ANKRD6: variants seen among roughly 807,000 people sequenced by gnomAD.
ANKRD6 encodes ankyrin repeat domain-containing protein 6.
Under a neutral mutation model 82.3 loss-of-function variants are expected in ANKRD6, and 56 were observed. The observed-to-expected ratio is 0.68, with a 90% CI of 0.55 to 0.85. The LOEUF is 0.85. Ranked by LOEUF, ANKRD6 falls within the 40% of genes least tolerant of loss-of-function variation. The pLI, the probability that ANKRD6 is intolerant of heterozygous loss-of-function variation, is 0.00. For missense variants in ANKRD6, 852 were observed against 907.6 expected (o/e 0.94, Z 0.79); for synonymous variants, 347 against 352.1 (o/e 0.99, Z 0.16).
chr6:89,613,979 G>GCTTCCCAGCAGCCT, intron 7 of ANKRD6, 89 bp downstream of exon 7: 2 of 1,325,104 alleles, frequency 1.5e-6, no homozygotes, highest in Non-Finnish European at 2.1e-6. Context: ...AGCAGAGGCT[G>GCTTCCCAGCAGCCT]CTGGGAAGCT....
intron 9 of ANKRD6, among the ~76,000 whole-genome samples, chr6:89,620,688 C>G (rs368768004): frequency 2.6e-5 from 4 of 152,332 alleles, no homozygotes; most frequent in African/African-American, 9.6e-5. Flanking sequence ...CTGACAGTGA[C>G]TGACAGTCCA....
chr6:89,466,317 C>T (rs1202558628), intron 1 of ANKRD6, among the ~76,000 whole-genome samples: 1 of 152,154 alleles, frequency 6.6e-6, no homozygotes, highest in Admixed American at 6.5e-5. Flanking sequence ...ATTAATTTCA[C>T]ACTTGAGGTT....
Position 89,612,492 on chromosome 6 carries a change from A to G in ANKRD6, c.516+122A>G, listed in dbSNP as rs937303428. 16 of 1,017,360 alleles carry G rather than the reference A, an allele frequency of 1.6e-5. No homozygotes were observed. The East Asian group carries it at 1.9e-4, about 12-fold the overall frequency. The allele number at this position is 1,017,360 out of a possible 1,614,324, so 63.0% of individuals were successfully genotyped here. A position where few individuals can be genotyped will look rare whatever the true frequency, so the allele number is the denominator to read the frequency against. ...AAAATGTAAAAAGTATTTGGGGACT[A>G]TCTCTAAAGTGTTCTTTTTTTGGCA... On this transcript the variant is annotated intron_variant, in intron 6 of 15. Transcript: ENST00000339746.
rs771915138 is a variant in ANKRD6 at position 89,595,927 on chromosome 6, T to A, written c.132T>A (p.Thr44=). 1 of 1,608,568 alleles carries A rather than the reference T, an allele frequency of 6.2e-7. No individual in the cohort carries two copies. Among genetic ancestry groups the A allele is most frequent in the East Asian group, 2.2e-5 (1 of 44,778 alleles). Reference sequence around the variant, plus strand: ...TTTTGCATTCACAGCATGGCCGGACTCCCCTGCATCTTGCTGCCAATAAGG... The same window carrying A: ...TTTTGCATTCACAGCATGGCCGGACACCCCTGCATCTTGCTGCCAATAAGG... ...ARVAVTKHGR[T]PLHLAANKGH... Residue 44 remains threonine (T), a synonymous_variant, in exon 3 of 16, where the codon ACT becomes ACA. Coordinates refer to ENST00000339746, the MANE Select transcript of ANKRD6 (RefSeq NM_001242809.2).
At chr6:89,527,880 G>A (rs2127984428) in intron 1 of ANKRD6, among the ~76,000 whole-genome samples, 1 of 152,246 alleles carries the variant, frequency 6.6e-6, no homozygotes, top group African/African-American at 2.4e-5. Context: ...CGCAATCACA[G>A]CTCACTGTAA....
At chr6:89,508,295 C>T (rs942166105) in intron 1 of ANKRD6, among the ~76,000 whole-genome samples, 6 of 152,162 alleles carry the variant, frequency 3.9e-5, no homozygotes, top group African/African-American at 1.2e-4. Context: ...CCTGGACAAT[C>T]TGCCTCCAGG....
intron 1 of ANKRD6, among the ~76,000 whole-genome samples, chr6:89,447,731 C>T (rs978133594): frequency 2.6e-5 from 4 of 152,106 alleles, no homozygotes; most frequent in Non-Finnish European, 4.4e-5. Context: ...TCTTGTTGCC[C>T]AGGCTGGAGA....
rs1464504505 is a variant in ANKRD6, at chr6:89,632,467, GGAGTGC to G, written c.*1464_*1469del. 1.3e-5 allele frequency: 2 copies of G among 152,128 alleles called. No homozygotes were observed. Among genetic ancestry groups the G allele is most frequent in the East Asian group, 3.9e-4 (2 of 5,192 alleles). 9.4% of individuals were successfully genotyped at this position (152,128 alleles called of 1,614,324 possible). A position where few individuals can be genotyped will look rare whatever the true frequency, so the allele number is the denominator to read the frequency against. ...AGGGTCTTGCTCTGTCACCCAGACTGGAGTGCAGTGGCATGATCACACCTCACTGCA... is the reference window on the plus strand; with the variant it reads ...AGGGTCTTGCTCTGTCACCCAGACTGAGTGGCATGATCACACCTCACTGCA... On this transcript the variant is annotated 3_prime_UTR_variant, in exon 16 of 16. Coordinates refer to ENST00000339746, the MANE Select transcript of ANKRD6 (RefSeq NM_001242809.2).
intron 1 of ANKRD6, among the ~76,000 whole-genome samples, chr6:89,507,016 C>G (rs1779958148): frequency 6.6e-6 from 1 of 152,198 alleles, no homozygotes; most frequent in Admixed American, 6.5e-5. Context: ...AACACTGAAT[C>G]CAACTGTCAA....
chr6:89,544,374 C>G (rs1260829395), intron 1 of ANKRD6, among the ~76,000 whole-genome samples: 1 of 152,226 alleles, frequency 6.6e-6, no homozygotes, highest in African/African-American at 2.4e-5. Flanking sequence ...GCCTGACATT[C>G]ACCTCATCAC....
chr6:89,476,586 T>C (rs561080800), intron 1 of ANKRD6, among the ~76,000 whole-genome samples: 2 of 152,366 alleles, frequency 1.3e-5, no homozygotes, highest in Admixed American at 6.5e-5. Flanking sequence ...TTTGTTATTA[T>C]ACCATACTTT....
intron 1 of ANKRD6, among the ~76,000 whole-genome samples, chr6:89,455,958 C>G (rs986207986): frequency 6.6e-6 from 1 of 152,092 alleles, no homozygotes. Flanking sequence ...ACTGCAACCT[C>G]CACCTCCCAG....
chr6:89,631,246 C>G lies in ANKRD6; in HGVS notation c.*242C>G. On this transcript the variant is annotated 3_prime_UTR_variant, in exon 16 of 16. Transcript: ENST00000339746. ...TTGGGTTTCATTATAAACTCTTAGC[C>G]TCAGTCCAGGTTAATCTGAAGTTTG... The G allele has an allele frequency of 1.7e-6, 1 of 573,096 alleles. No individual in the cohort carries two copies. The highest frequency in any genetic ancestry group is 4.0e-5 in the East Asian group (1 of 24,972). The allele number at this position is 573,096 out of a possible 1,614,324, so 35.5% of individuals were successfully genotyped here.
At position 89,590,103 on chromosome 6, in the gene ANKRD6, T is replaced by C. The variant is rs563718320; in HGVS notation, c.121-5813T>C. 1.8e-3 allele frequency among the ~76,000 whole-genome samples: 269 copies of C among 152,352 alleles called. 4 individuals carry two copies. The South Asian group carries it at 0.039, about 22-fold the overall frequency. On this transcript the variant is annotated intron_variant, in intron 2 of 15. Transcript: ENST00000339746. ...TATTGGGTTGTGGAATTATAGAGGA[T>C]ATTCTTTTCCATATTTTTAGTAATG...
chr6:89,468,257 C>T (rs919555672), intron 1 of ANKRD6, among the ~76,000 whole-genome samples: 3 of 152,090 alleles, frequency 2.0e-5, no homozygotes, highest in Non-Finnish European at 4.4e-5. Context: ...GATTTTTTCA[C>T]TTGACATTTA....
chr6:89,512,212 T>G (rs1194885520), intron 1 of ANKRD6, among the ~76,000 whole-genome samples: 2 of 152,204 alleles, frequency 1.3e-5, no homozygotes. Context: ...ATAGATGGTA[T>G]AGAAAAGTAA....
chr6:89,461,878 T>A (rs1465639752), intron 1 of ANKRD6, among the ~76,000 whole-genome samples: 2 of 152,146 alleles, frequency 1.3e-5, no homozygotes, highest in Non-Finnish European at 2.9e-5. Context: ...AAAATATAAC[T>A]ATTATATTTA....
At chr6:89,510,923 A>G (rs887242270) in intron 1 of ANKRD6, among the ~76,000 whole-genome samples, 1 of 152,126 alleles carries the variant, frequency 6.6e-6, no homozygotes, top group African/African-American at 2.4e-5. Context: ...GGAGAGCCGG[A>G]TGGTGATGGC....
chr6:89,578,542 C>A (rs974313083), intron 2 of ANKRD6, among the ~76,000 whole-genome samples: 1 of 152,102 alleles, frequency 6.6e-6, no homozygotes, highest in Non-Finnish European at 1.5e-5. Context: ...GTGATCTGCC[C>A]GCCTTGGCCT....
Sources: gnomAD v4.1 joint callset for allele counts (sites outside exome capture counted in the v4.1 genomes callset) on GRCh38, gnomAD v4.1.1 for gene constraint, MANE v1.5 for transcripts, NCBI Gene and HGNC (gene_info 2026-07-23, HGNC 2026-07-21) for gene names.